The following PHLPP2 variants were observed in gnomAD, a reference collection of about 807,000 sequenced individuals.
The protein encoded by PHLPP2 is PH domain and leucine rich repeat protein phosphatase 2.
A neutral mutation model predicts 124.9 loss-of-function variants in PHLPP2; 66 were observed. The observed-to-expected ratio is 0.53, with a 90% confidence interval of 0.43 to 0.65. The LOEUF is 0.65. Ranked by LOEUF, PHLPP2 falls within the 30% of genes least tolerant of loss-of-function variation. The pLI is 0.00. For synonymous variants in PHLPP2, 681 were observed against 624.7 expected (o/e 1.09, Z -1.34); for missense variants, 1,685 against 1,600.4 (o/e 1.05, Z -0.90).
chr16:71,676,999 C>T lies in PHLPP2; in HGVS notation c.1269-350G>A, dbSNP rs183200794. Reference sequence around the variant, plus strand: ...CCTCAGATGATCTGCCTGCCTCGGCCTCCCAAAGTGCTGGGATTACAGGCA... The same window carrying T: ...CCTCAGATGATCTGCCTGCCTCGGCTTCCCAAAGTGCTGGGATTACAGGCA... On this transcript the variant is annotated intron_variant, in intron 8 of 18. Transcript: ENST00000568954. The T allele has an allele frequency of 6.0e-5, 16 of 267,750 alleles. No individual in the cohort carries two copies. In the East Asian group the frequency reaches 1.6e-3, roughly 27 times the overall value. The allele number at this position is 267,750 out of a possible 1,614,324, so 16.6% of individuals were successfully genotyped here. A position where few individuals can be genotyped will look rare whatever the true frequency, so the allele number is the denominator to read the frequency against.
rs368034412 is a variant in PHLPP2, at chr16:71,681,774, G to C, written c.867C>G (p.Pro289=). ...LRHNFMQLER[P]GGLDTLYKFS... is the part of the protein sequence containing the mutation. ...ACTTGTAGAGTGTATCGAGGCCTCC[G>C]GGTCTTTCTAACTGCATGAAGTTGT... The change falls in exon 6 of 19, where the codon CCC becomes CCG. Residue 289 remains proline (P), a synonymous_variant. Coordinates refer to ENST00000568954, the MANE Select transcript of PHLPP2 (RefSeq NM_015020.3). The C allele has an allele frequency of 1.2e-6, 2 of 1,613,408 alleles. No individual in the cohort carries two copies. The highest frequency in any genetic ancestry group is 1.1e-5 in the South Asian group (1 of 90,954).
In PHLPP2 at chr16:71,669,346, G is replaced by T. The variant is rs980316237; in HGVS notation, c.1557C>A (p.Asp519Glu). 4.3e-6 allele frequency: 7 copies of T among 1,611,680 alleles called. No individual in the cohort carries two copies. The Admixed American group carries it at 5.0e-5, about 12-fold the overall frequency. Reference sequence around the variant, plus strand: ...CTATCTTCTTTGCTTCACAGGCCCAGTCAGGGACACACTCTAGCAGGTTTC... The same window carrying T: ...CTATCTTCTTTGCTTCACAGGCCCATTCAGGGACACACTCTAGCAGGTTTC... ...LSRNLLECVP[D>E]WACEAKKIEV... is the part of the protein sequence containing the mutation. The change falls in exon 11 of 19, where the codon GAC becomes GAA. Residue 519 changes from aspartate (D) to glutamate (E), a missense_variant. By Grantham distance (45) the Asp-to-Glu change is conservative. Coordinates refer to ENST00000568954, the MANE Select transcript of PHLPP2 (RefSeq NM_015020.3).
chr16:71,711,950 A>G (rs2045327071), intron 2 of PHLPP2, among the ~76,000 whole-genome samples: 1 of 152,254 alleles, frequency 6.6e-6, no homozygotes, highest in Non-Finnish European at 1.5e-5. Flanking sequence ...TTCCTGTCAC[A>G]GCTGGCCTTT....
chr16:71,722,149 AGGCCG>A (rs2045402387), intron 1 of PHLPP2, among the ~76,000 whole-genome samples: 1 of 152,138 alleles, frequency 6.6e-6, no homozygotes, highest in South Asian at 2.1e-4. Context: ...AAACTGTATG[AGGCCG>A]GGCGTGGTGG....
intron 4 of PHLPP2, among the ~76,000 whole-genome samples, chr16:71,687,744 C>A (rs1354625199): frequency 6.6e-6 from 1 of 152,154 alleles, no homozygotes; most frequent in Non-Finnish European, 1.5e-5. Context: ...TTAATAAACA[C>A]ATTGCCACAT....
intron 4 of PHLPP2, among the ~76,000 whole-genome samples, chr16:71,686,471 G>C (rs1330783593): frequency 2.0e-5 from 3 of 152,058 alleles, no homozygotes; most frequent in African/African-American, 7.2e-5. Context: ...ACTGTGCCAT[G>C]CCTGGCCTTG....
At chr16:71,677,508 G>C (rs1464613301) in intron 8 of PHLPP2, 1 of 131,472 alleles carries the variant, frequency 7.6e-6, no homozygotes, top group Non-Finnish European at 1.6e-5. Flanking sequence ...GAGTTCAAAG[G>C]CAAATTATAG....
rs759978847 is a variant in PHLPP2 at position 71,676,589 on chromosome 16, G to C, written c.1329C>G (p.His443Gln). 28 of 1,613,814 alleles carry C rather than the reference G, an allele frequency of 1.7e-5. No homozygotes were observed. The highest frequency in any genetic ancestry group is 2.0e-5 in the Non-Finnish European group (24 of 1,179,780). The change falls in exon 9 of 19, where the codon CAC becomes CAG. Residue 443 changes from histidine (H) to glutamine (Q), a missense_variant. Coordinates refer to ENST00000568954, the MANE Select transcript of PHLPP2 (RefSeq NM_015020.3). The stretch of plus-strand genomic sequence containing the variant: ...TCAGTCGGTTGTCCCGCAGATCCAC[G>C]TGGGTGATGTGTTTATTTCCCTCCA... ...ENLEGNKHIT[H>Q]VDLRDNRLTD...
At chr16:71,706,650 G>A (rs1472051106) in intron 2 of PHLPP2, among the ~76,000 whole-genome samples, 1 of 152,060 alleles carries the variant, frequency 6.6e-6, no homozygotes, top group Non-Finnish European at 1.5e-5. Context: ...ACACTATGCT[G>A]AAAATGTTTA....
At chr16:71,671,939 C>G (rs963217325) in intron 10 of PHLPP2, among the ~76,000 whole-genome samples, 5 of 152,100 alleles carry the variant, frequency 3.3e-5, no homozygotes, top group Non-Finnish European at 7.3e-5. Flanking sequence ...CACCCACTAT[C>G]TAAAAATCAA....
At position 71,656,780 on chromosome 16, in the gene PHLPP2, C is replaced by A. The variant is rs1424409848; in HGVS notation, c.2280-99G>T. 16 of 681,068 alleles carry A rather than the reference C, an allele frequency of 2.3e-5. No homozygotes were observed. In the Admixed American group the frequency reaches 3.7e-4, roughly 16 times the overall value. The allele number at this position is 681,068 out of a possible 1,614,324, so 42.2% of individuals were successfully genotyped here. A position where few individuals can be genotyped will look rare whatever the true frequency, so the allele number is the denominator to read the frequency against. On this transcript the variant is annotated intron_variant, in intron 15 of 18. Transcript: ENST00000568954. ...TTTTTTTTTTTTTGAGATGGAGTCT[C>A]CCTCTTGTCACCCAGGCTGGAGTGC...
intron 13 of PHLPP2, among the ~76,000 whole-genome samples, chr16:71,661,288 C>A (rs2044788007): frequency 6.6e-6 from 1 of 152,002 alleles, no homozygotes; most frequent in Non-Finnish European, 1.5e-5. Flanking sequence ...CCAGGCTGGT[C>A]TTAAACTCCT....
At chr16:71,663,843 C>G in intron 13 of PHLPP2, 56 bp downstream of exon 13, 1 of 1,347,312 alleles carries the variant, frequency 7.4e-7, no homozygotes, top group Non-Finnish European at 1.1e-6. Flanking sequence ...TTTTTTCTGA[C>G]AAATATAGAA....
In PHLPP2 at chr16:71,681,628, C is replaced by A. The variant is rs897406976; in HGVS notation, c.890+123G>T. ...AGAACTCTGTGAATAAACATTTTTA[C>A]TTCCTCTTCAAAAGGGAGGGGAAAT... On this transcript the variant is annotated intron_variant, in intron 6 of 18. Transcript: ENST00000568954. The A allele has an allele frequency of 4.2e-5, 29 of 690,848 alleles. No homozygotes were observed. In the African/African-American group the frequency reaches 5.0e-4, roughly 12 times the overall value. The allele number at this position is 690,848 out of a possible 1,614,324, so 42.8% of individuals were successfully genotyped here.
chr16:71,682,630 C>T (rs867188252), intron 5 of PHLPP2, among the ~76,000 whole-genome samples: 1 of 152,118 alleles, frequency 6.6e-6, no homozygotes, highest in Non-Finnish European at 1.5e-5. Flanking sequence ...AAGTAAATAA[C>T]CAAGCACACA....
chr16:71,672,345 T>A (rs751785701), intron 9 of PHLPP2, 23 bp from the exon 10 acceptor site: 1 of 1,573,774 alleles, frequency 6.4e-7, no homozygotes. Context: ...CAAACAGGTG[T>A]TAGTGACATC....
chr16:71,657,633 A>G (rs1271357576), intron 15 of PHLPP2, among the ~76,000 whole-genome samples: 2 of 151,758 alleles, frequency 1.3e-5, no homozygotes, highest in African/African-American at 4.8e-5. Context: ...TGACCTCGTG[A>G]TCCACCCACC....
intron 1 of PHLPP2, among the ~76,000 whole-genome samples, chr16:71,721,551 C>G (rs1181475970): frequency 6.6e-6 from 1 of 152,122 alleles, no homozygotes; most frequent in Non-Finnish European, 1.5e-5. Context: ...GCTATGATCA[C>G]ACCACTGCAC....
At position 71,645,436 on chromosome 16, in the gene PHLPP2, C is replaced by G. The variant is rs1170083325; in HGVS notation, c.*3454G>C. ...TCCTATAGTGATGCTGAAGACATCA[C>G]TGAATGGCTTGGAGACTAATTATTT... On this transcript the variant is annotated 3_prime_UTR_variant, in exon 19 of 19. Coordinates refer to ENST00000568954, the MANE Select transcript of PHLPP2 (RefSeq NM_015020.3). The G allele has an allele frequency of 2.0e-5, 3 of 152,642 alleles. No homozygotes were observed. Among genetic ancestry groups the G allele is most frequent in the Non-Finnish European group, 4.4e-5 (3 of 68,056 alleles). The allele number at this position is 152,642 out of a possible 1,614,324, so 9.5% of individuals were successfully genotyped here. A position where few individuals can be genotyped will look rare whatever the true frequency, so the allele number is the denominator to read the frequency against.
Sources: gnomAD v4.1 joint callset for allele counts (sites outside exome capture counted in the v4.1 genomes callset) on GRCh38, gnomAD v4.1.1 for gene constraint, MANE v1.5 for transcripts, NCBI Gene and HGNC (gene_info 2026-07-23, HGNC 2026-07-21) for gene names.